RBFOX1: variants seen among roughly 807,000 people sequenced by gnomAD.
RBFOX1 encodes RNA binding fox-1 homolog 1.
RBFOX1 carries 8 observed loss-of-function variants against 57.7 expected under a neutral mutation model. The ratio of observed to expected loss-of-function variants is 0.14; its 90% CI spans 0.08 to 0.25. The LOEUF (loss-of-function observed/expected upper bound fraction) is 0.25. Ranked by LOEUF, RBFOX1 falls within the 10% of genes least tolerant of loss-of-function variation. The probability of loss-of-function intolerance (pLI) is 1.00; values close to 1 mark genes in which losing one functional copy is unlikely to be tolerated. For missense variants in RBFOX1, 611 were observed against 548.5 expected, an observed-to-expected ratio of 1.11 and a Z score of -1.14; for synonymous variants, 326 against 222.4, an observed-to-expected ratio of 1.47 and a Z score of -4.15.
At chr16:6,954,414 T>A (rs980370506) in intron 3 of RBFOX1, among the ~76,000 whole-genome samples, 13 of 152,146 alleles carry the variant, frequency 8.5e-5, no homozygotes, top group Non-Finnish European at 1.5e-4. Context: ...TTGCATTTAA[T>A]GATTGGCATT....
chr16:6,379,843 G>C (rs534272187), intron 2 of RBFOX1, among the ~76,000 whole-genome samples: 1 of 152,166 alleles, frequency 6.6e-6, no homozygotes, highest in Non-Finnish European at 1.5e-5. Flanking sequence ...GGAGTTTGCA[G>C]ACGGGCATGA....
intron 1 of RBFOX1, among the ~76,000 whole-genome samples, chr16:5,359,779 A>T (rs1358716549): frequency 6.6e-6 from 1 of 152,148 alleles, no homozygotes; most frequent in Non-Finnish European, 1.5e-5. Context: ...TGCCTTTCAT[A>T]TGAATTTTCG....
chr16:7,112,124 G>C (rs1478695), intron 4 of RBFOX1, among the ~76,000 whole-genome samples: 32,341 of 152,062 alleles, frequency 0.21, 4,017 homozygotes, highest in East Asian at 0.42. Context: ...TAGACCAAGT[G>C]TTGAAATATT....
At chr16:7,448,435 T>G (rs1331328355) in intron 4 of RBFOX1, among the ~76,000 whole-genome samples, 1 of 152,140 alleles carries the variant, frequency 6.6e-6, no homozygotes, top group Non-Finnish European at 1.5e-5. Context: ...AAGACACGTT[T>G]TACATGGCGG....
intron 5 of RBFOX1, among the ~76,000 whole-genome samples, chr16:7,523,819 C>G (rs2078048387): frequency 7.3e-6 from 1 of 137,340 alleles, no homozygotes; most frequent in African/African-American, 2.7e-5. Context: ...TTTCAGTTAT[C>G]CTTTCCTGAT....
intron 3 of RBFOX1, among the ~76,000 whole-genome samples, chr16:6,747,430 G>A (rs977615632): frequency 1.5e-4 from 21 of 138,832 alleles, no homozygotes; most frequent in African/African-American, 5.7e-4. Context: ...AAATCTATCA[G>A]TCAGTCAGTC....
intron 2 of RBFOX1, among the ~76,000 whole-genome samples, chr16:6,648,790 A>C (rs1300049128): frequency 6.6e-6 from 1 of 152,202 alleles, no homozygotes; most frequent in Admixed American, 6.5e-5. Flanking sequence ...CATTTTCTAC[A>C]GAAAATACAG....
chr16:7,432,898 C>G (rs146807728), intron 4 of RBFOX1, among the ~76,000 whole-genome samples: 3 of 152,232 alleles, frequency 2.0e-5, no homozygotes, highest in Non-Finnish European at 4.4e-5. Context: ...ACAGAATCAA[C>G]AGCCTTATGG....
chr16:6,895,623 G>T (rs984346765), intron 3 of RBFOX1, among the ~76,000 whole-genome samples: 2 of 151,642 alleles, frequency 1.3e-5, no homozygotes, highest in African/African-American at 4.8e-5. Flanking sequence ...GAAAAAAATG[G>T]AGAGTCATAG....
chr16:5,588,880 G>A (rs750127612), intron 2 of RBFOX1, among the ~76,000 whole-genome samples: 1 of 152,184 alleles, frequency 6.6e-6, no homozygotes, highest in African/African-American at 2.4e-5. Flanking sequence ...TTTACAGGTT[G>A]AGAGGTACAA....
Position 7,150,463 on chromosome 16 carries a change from C to A in RBFOX1, c.27+98365C>A, listed in dbSNP as rs549292624. Among the ~76,000 whole-genome samples, 77 of 152,316 alleles carry A rather than the reference C, an allele frequency of 5.1e-4. 2 individuals carry two copies. In the East Asian group the frequency reaches 0.012, roughly 24 times the overall value. ...CTCCATTGTGCAATGTCAGCCACAA[C>A]TTCCACCATTATTACCACTCAATGG... is the stretch of plus-strand genomic sequence containing the variant. On this transcript the variant is annotated intron_variant, in intron 4 of 15. Coordinates refer to ENST00000550418, the MANE Select transcript of RBFOX1 (RefSeq NM_018723.4).
intron 11 of RBFOX1, among the ~76,000 whole-genome samples, chr16:7,634,705 G>T (rs1270874885): frequency 6.6e-6 from 1 of 152,050 alleles, no homozygotes; most frequent in Non-Finnish European, 1.5e-5. Context: ...GACCCCAAAT[G>T]ACTCCAGTTT....
chr16:6,197,870 G>C (rs2097190783), intron 1 of RBFOX1, among the ~76,000 whole-genome samples: 1 of 151,894 alleles, frequency 6.6e-6, no homozygotes, highest in African/African-American at 2.4e-5. Context: ...CCATCATTTA[G>C]CTTCCACTTG....
chr16:5,780,004 A>G (rs139231362), intron 3 of RBFOX1, among the ~76,000 whole-genome samples: 1 of 152,162 alleles, frequency 6.6e-6, no homozygotes, highest in South Asian at 2.1e-4. Context: ...CATGTTTGCT[A>G]TTATTATTGT....
chr16:5,823,980 A>G (rs889463547), intron 3 of RBFOX1, among the ~76,000 whole-genome samples: 1 of 152,194 alleles, frequency 6.6e-6, no homozygotes, highest in African/African-American at 2.4e-5. Flanking sequence ...CTGGTGCCAA[A>G]AAGGCTGGGA....
chr16:6,261,041 G>T (rs1284442268), intron 1 of RBFOX1, among the ~76,000 whole-genome samples: 1 of 152,186 alleles, frequency 6.6e-6, no homozygotes, highest in African/African-American at 2.4e-5. Context: ...TGCTTAGAGT[G>T]CTATCATCAA....
chr16:5,681,444 A>C (rs955581434), intron 3 of RBFOX1, among the ~76,000 whole-genome samples: 4 of 144,106 alleles, frequency 2.8e-5, no homozygotes, highest in African/African-American at 1.0e-4. Context: ...CCTGGAGTGC[A>C]ATGGTGTGAT....
At chr16:7,164,224 T>C (rs2078976333) in intron 4 of RBFOX1, among the ~76,000 whole-genome samples, 1 of 152,172 alleles carries the variant, frequency 6.6e-6, no homozygotes, top group African/African-American at 2.4e-5. Flanking sequence ...TGTTTGCTTT[T>C]CCATTCCTGA....
intron 2 of RBFOX1, among the ~76,000 whole-genome samples, chr16:6,565,143 A>C (rs2097243025): frequency 6.6e-6 from 1 of 151,374 alleles, no homozygotes; most frequent in Non-Finnish European, 1.5e-5. Context: ...AAAAAAAAAA[A>C]AGCATTTGCA....
Sources: allele counts gnomAD v4.1 joint callset (sites outside exome capture counted in the v4.1 genomes callset), GRCh38; gene constraint gnomAD v4.1.1; transcripts MANE v1.5; gene names NCBI Gene and HGNC (gene_info 2026-07-23, HGNC 2026-07-21).